Variants in MOBP observed in about 807,000 individuals in gnomAD.
The protein encoded by MOBP is myelin-associated oligodendrocyte basic protein.
In MOBP, 5 loss-of-function variants were observed where a neutral mutation model predicts 15.0. The observed-to-expected ratio is 0.33, with a 90% CI of 0.17 to 0.70. MOBP has a LOEUF of 0.70. Among genes scored for constraint, MOBP ranks in the 30% least tolerant of loss-of-function variants. The pLI is 0.67. For synonymous variants in MOBP, 88 were observed against 99.0 expected (o/e 0.89, Z 0.66); for missense variants, 188 against 257.8 (o/e 0.73, Z 1.85).
At position 39,469,273 on chromosome 3, in the gene MOBP, G is replaced by T. The variant is rs202220020; in HGVS notation, c.-89+1533G>T. ...ACATATATGTGTGTGTATATGTATA[G>T]ATATATATACATATGTGTGTATATG... On this transcript the variant is annotated intron_variant, in intron 1 of 3. Transcript: ENST00000684792. Among the ~76,000 whole-genome samples the T allele has an allele frequency of 8.8e-5, 11 of 125,634 alleles. No homozygotes were observed. In the East Asian group the frequency reaches 2.1e-3, roughly 24 times the overall value. The allele number at this position is 125,634 out of a possible 152,430, so 82.4% of individuals were successfully genotyped here.
intron 2 of MOBP, among the ~76,000 whole-genome samples, chr3:39,484,740 T>C (rs2042676784): frequency 6.6e-6 from 1 of 152,246 alleles, no homozygotes; most frequent in African/African-American, 2.4e-5. Context: ...ACTCCTGAAA[T>C]AATTGCTAAA....
At chr3:39,469,914 T>C (rs374194195) in intron 1 of MOBP, among the ~76,000 whole-genome samples, 6 of 152,238 alleles carry the variant, frequency 3.9e-5, no homozygotes, top group African/African-American at 1.4e-4. Context: ...GCCCTTGGAT[T>C]ATAAATAGCA....
At chr3:39,490,473 T>A (rs2125642219) in intron 2 of MOBP, among the ~76,000 whole-genome samples, 2 of 152,246 alleles carry the variant, frequency 1.3e-5, no homozygotes, top group African/African-American at 4.8e-5. Context: ...TTTGAAAAAA[T>A]TCAGTATTTT....
intron 2 of MOBP, among the ~76,000 whole-genome samples, chr3:39,484,180 G>T (rs545590027): frequency 6.6e-6 from 1 of 152,314 alleles, no homozygotes; most frequent in East Asian, 1.9e-4. Flanking sequence ...ACCTCAGCTG[G>T]GTTGTTAAGG....
At chr3:39,528,002 G>T (rs2125679286), downstream of MOBP, 1 of 152,286 alleles carries the variant, frequency 6.6e-6, no homozygotes, top group East Asian at 1.9e-4. Context: ...TGGGGTGGTG[G>T]CAGTGAAATT....
intron 2 of MOBP, among the ~76,000 whole-genome samples, chr3:39,482,372 T>C (rs1166936361): frequency 2.0e-5 from 3 of 152,080 alleles, no homozygotes; most frequent in African/African-American, 7.2e-5. Flanking sequence ...CACCTCTGGG[T>C]CGGGCACGGT....
At chr3:39,497,952 T>A (rs1329014659) in intron 2 of MOBP, among the ~76,000 whole-genome samples, 1 of 152,212 alleles carries the variant, frequency 6.6e-6, no homozygotes, top group East Asian at 1.9e-4. Flanking sequence ...CAGCTGGAAT[T>A]TGCCTATTTG....
At chr3:39,512,880 A>C (rs2043137500) in intron 4 of MOBP, among the ~76,000 whole-genome samples, 1 of 152,230 alleles carries the variant, frequency 6.6e-6, no homozygotes, top group African/African-American at 2.4e-5. Context: ...TGTCTGGGCC[A>C]CATATTTATA....
intron 2 of MOBP, among the ~76,000 whole-genome samples, chr3:39,483,868 C>A (rs1230003645): frequency 6.6e-6 from 1 of 152,100 alleles, no homozygotes; most frequent in South Asian, 2.1e-4. Flanking sequence ...TTTAAACTAC[C>A]CTTGCTGAGA....
At chr3:39,485,605 G>A (rs1320988019) in intron 2 of MOBP, among the ~76,000 whole-genome samples, 1 of 152,168 alleles carries the variant, frequency 6.6e-6, no homozygotes, top group Non-Finnish European at 1.5e-5. Flanking sequence ...AGCTCTTGTA[G>A]AAGCACCCGT....
chr3:39,467,979 G>A (rs1375553545), intron 1 of MOBP, among the ~76,000 whole-genome samples: 2 of 152,110 alleles, frequency 1.3e-5, no homozygotes, highest in Non-Finnish European at 2.9e-5. Flanking sequence ...AATCGTCTGA[G>A]CCCAGAGAGA....
At chr3:39,523,818 G>T (rs906454903) in intron 3 of MOBP, among the ~76,000 whole-genome samples, 5 of 152,124 alleles carry the variant, frequency 3.3e-5, no homozygotes, top group Non-Finnish European at 7.4e-5. Flanking sequence ...CAAAAACTGG[G>T]CTGAGACATG....
At chr3:39,500,448 A>G (rs554821269) in intron 2 of MOBP, among the ~76,000 whole-genome samples, 4 of 152,276 alleles carry the variant, frequency 2.6e-5, no homozygotes, top group Non-Finnish European at 5.9e-5. Flanking sequence ...TATAAGGGAA[A>G]TGGACAAGGA....
intron 1 of MOBP, among the ~76,000 whole-genome samples, chr3:39,471,624 T>A (rs625898): frequency 0.27 from 41,489 of 151,878 alleles, 7,203 homozygotes; most frequent in African/African-American, 0.49. Flanking sequence ...CTGGAACGTC[T>A]CCATTCCAAG....
At chr3:39,509,845 C>T (rs767271751) in intron 4 of MOBP, among the ~76,000 whole-genome samples, 12 of 152,026 alleles carry the variant, frequency 7.9e-5, no homozygotes, top group Non-Finnish European at 1.6e-4. Flanking sequence ...TACACTGTTC[C>T]CCAGGGACCC....
At chr3:39,475,491 T>C (rs1008722897) in intron 1 of MOBP, among the ~76,000 whole-genome samples, 1 of 152,216 alleles carries the variant, frequency 6.6e-6, no homozygotes, top group Non-Finnish European at 1.5e-5. Flanking sequence ...GAAATTATTA[T>C]TGTGGTACTC....
intron 3 of MOBP, among the ~76,000 whole-genome samples, chr3:39,522,046 C>T (rs1417459568): frequency 6.6e-6 from 1 of 152,120 alleles, no homozygotes; most frequent in Non-Finnish European, 1.5e-5. Context: ...AGGAGTTGAC[C>T]ACAGCAGCTA....
At position 39,469,229 on chromosome 3, in the gene MOBP, C is replaced by T. The variant is rs574748244; in HGVS notation, c.-89+1489C>T. ...ACATGTGTGTGTATATACATATATA[C>T]ATATGTGTGTGTATATATACATATA... On this transcript the variant is annotated intron_variant, in intron 1 of 3. Transcript: ENST00000684792. Among the ~76,000 whole-genome samples the T allele has an allele frequency of 5.1e-4, 58 of 113,764 alleles. 4 individuals are homozygous for T. The highest frequency in any genetic ancestry group is 1.1e-3 in the Admixed American group (12 of 11,268). The allele number at this position is 113,764 out of a possible 152,430, so 74.6% of individuals were successfully genotyped here. A position where few individuals can be genotyped will look rare whatever the true frequency, so the allele number is the denominator to read the frequency against.
chr3:39,512,595 G>C (rs1326887216), intron 4 of MOBP, among the ~76,000 whole-genome samples: 6 of 152,144 alleles, frequency 3.9e-5, no homozygotes, highest in African/African-American at 9.7e-5. Flanking sequence ...GCTAATATCT[G>C]AGTATAAATT....
Sources: allele counts gnomAD v4.1 joint callset (sites outside exome capture counted in the v4.1 genomes callset), GRCh38; gene constraint gnomAD v4.1.1; transcripts MANE v1.5; gene names NCBI Gene and HGNC (gene_info 2026-07-23, HGNC 2026-07-21).